Variants in PDE11A observed in about 807,000 individuals in gnomAD.
PDE11A encodes the protein phosphodiesterase 11A.
In PDE11A, 100 loss-of-function variants were observed where a neutral mutation model predicts 100.5. The observed-to-expected ratio is 1.00, with a 90% confidence interval of 0.85 to 1.18. The LOEUF (loss-of-function observed/expected upper bound fraction) is 1.18. Among genes scored for constraint, PDE11A ranks in the 50% most tolerant of loss-of-function variants. The pLI, the probability that PDE11A is intolerant of heterozygous loss-of-function variation, is 0.00. For missense variants in PDE11A, 1,141 were observed against 1,152.6 expected (o/e 0.99, Z 0.15); for synonymous variants, 381 against 420.8 (o/e 0.91, Z 1.16).
At chr2:177,907,162 A>T (rs977852896) in intron 2 of PDE11A, among the ~76,000 whole-genome samples, 2 of 151,860 alleles carry the variant, frequency 1.3e-5, no homozygotes, top group African/African-American at 4.8e-5. Context: ...AAGAATCTGA[A>T]TTTTAAATCA....
intron 12 of PDE11A, among the ~76,000 whole-genome samples, chr2:177,717,531 TA>T (rs1216848723): frequency 6.6e-6 from 1 of 152,240 alleles, no homozygotes; most frequent in Admixed American, 6.5e-5. Flanking sequence ...TTATGGGTTT[TA>T]TTGAGCTTTA....
chr2:178,094,617 T>C (rs1332337111), intron 2 of PDE11A, among the ~76,000 whole-genome samples: 1 of 152,196 alleles, frequency 6.6e-6, no homozygotes, highest in Non-Finnish European at 1.5e-5. Context: ...ATAGCCATAT[T>C]TCCATGGATT....
intron 15 of PDE11A, among the ~76,000 whole-genome samples, chr2:177,689,234 C>T (rs1390876405): frequency 6.6e-6 from 1 of 152,156 alleles, no homozygotes; most frequent in Non-Finnish European, 1.5e-5. Context: ...AGGCATGCAC[C>T]ACCACGCCCA....
intron 1 of PDE11A, among the ~76,000 whole-genome samples, chr2:178,026,870 C>T (rs979353596): frequency 6.6e-6 from 1 of 151,964 alleles, no homozygotes; most frequent in African/African-American, 2.4e-5. Flanking sequence ...AGTTAGACCC[C>T]TATCTCACAT....
chr2:177,708,562 AC>A (rs2081313970), intron 13 of PDE11A, among the ~76,000 whole-genome samples: 1 of 152,198 alleles, frequency 6.6e-6, no homozygotes, highest in Non-Finnish European at 1.5e-5. Flanking sequence ...TATATATTTA[AC>A]AAACCCCCGT....
chr2:177,826,379 A>C (rs1468828307), intron 6 of PDE11A, among the ~76,000 whole-genome samples: 1 of 152,230 alleles, frequency 6.6e-6, no homozygotes, highest in African/African-American at 2.4e-5. Context: ...TTTCTCTAGA[A>C]AGATACGTAC....
At chr2:177,950,771 C>T (rs755124204) in intron 2 of PDE11A, among the ~76,000 whole-genome samples, 12 of 152,142 alleles carry the variant, frequency 7.9e-5, no homozygotes, top group South Asian at 2.1e-4. Context: ...ATTAGCCGAG[C>T]GCCATGGCAG....
chr2:177,939,584 G>A (rs1574293679), intron 2 of PDE11A, among the ~76,000 whole-genome samples: 1 of 151,098 alleles, frequency 6.6e-6, no homozygotes, highest in South Asian at 2.1e-4. Context: ...AGGAAGGTAG[G>A]TTGACTCCGA....
chr2:177,889,297 T>C (rs544274552), intron 4 of PDE11A, among the ~76,000 whole-genome samples: 2 of 152,336 alleles, frequency 1.3e-5, no homozygotes, highest in East Asian at 3.9e-4. Context: ...CTGCAATAGA[T>C]GCTTTGATTT....
In PDE11A at chr2:177,849,012, C is replaced by G. The variant is rs16865839; in HGVS notation, c.1368-8629G>C. Among the ~76,000 whole-genome samples the G allele has an allele frequency of 7.2e-3, 1,098 of 152,312 alleles. 11 individuals are homozygous for G. Among genetic ancestry groups the G allele is most frequent in the African/African-American group, 0.025 (1,022 of 41,558 alleles). On this transcript the variant is annotated intron_variant, in intron 5 of 19. Transcript: ENST00000286063. Reference sequence around the variant, plus strand: ...GTTCATGTTTCTCTTCTCAACATAACAGTTTACTTAGATGTCTTCATTAGA... The same window carrying G: ...GTTCATGTTTCTCTTCTCAACATAAGAGTTTACTTAGATGTCTTCATTAGA...
chr2:177,775,117 C>A (rs1179782853), intron 9 of PDE11A, among the ~76,000 whole-genome samples: 1 of 152,080 alleles, frequency 6.6e-6, no homozygotes, highest in Admixed American at 6.6e-5. Flanking sequence ...AATGGATTGT[C>A]CCCTAGAGTC....
At chr2:177,650,696 A>G (rs1220540050) in intron 19 of PDE11A, among the ~76,000 whole-genome samples, 1 of 152,188 alleles carries the variant, frequency 6.6e-6, no homozygotes, top group Non-Finnish European at 1.5e-5. Context: ...TTATACATAG[A>G]TAGTAGGATA....
intron 2 of PDE11A, among the ~76,000 whole-genome samples, chr2:177,979,523 A>G (rs1432110869): frequency 6.7e-6 from 1 of 149,574 alleles, no homozygotes; most frequent in African/African-American, 2.4e-5. Flanking sequence ...TTTTCCTGGT[A>G]TGCAGCGTCT....
At chr2:177,683,829 C>A (rs1472652049) in intron 15 of PDE11A, among the ~76,000 whole-genome samples, 4 of 151,926 alleles carry the variant, frequency 2.6e-5, no homozygotes, top group Non-Finnish European at 5.9e-5. Flanking sequence ...CAGGTTTGGA[C>A]CCACACCGAC....
chr2:177,807,894 T>TA lies in PDE11A; in HGVS notation c.1737+8934dup, dbSNP rs1215871894. ...AAAATATTTATATATGAAGATTAACTAAAAAACAGTTTTTATGTGTCAATA... is the reference window on the plus strand; with the variant it reads ...AAAATATTTATATATGAAGATTAACTAAAAAAACAGTTTTTATGTGTCAATA... On this transcript the variant is annotated intron_variant, in intron 9 of 19. Coordinates refer to ENST00000286063, the MANE Select transcript of PDE11A (RefSeq NM_016953.4). 2.0e-5 allele frequency among the ~76,000 whole-genome samples: 3 copies of TA among 152,220 alleles called. No individual in the cohort carries two copies. In the East Asian group the frequency reaches 5.8e-4, roughly 29 times the overall value.
In PDE11A at chr2:177,911,593, T is replaced by C. The variant is rs144810163; in HGVS notation, c.1072-6406A>G. ...TAAATATAAAACATTGTTTTAAAAATTGTAATGGGGCCAGGCGCGGTGGCT... is the reference window on the plus strand; with the variant it reads ...TAAATATAAAACATTGTTTTAAAAACTGTAATGGGGCCAGGCGCGGTGGCT... On this transcript the variant is annotated intron_variant, in intron 2 of 19. Transcript: ENST00000286063. Among the ~76,000 whole-genome samples, 1,222 of 152,200 alleles carry C rather than the reference T, an allele frequency of 8.0e-3. 15 individuals are homozygous for C. The highest frequency in any genetic ancestry group is 0.02 in the Middle Eastern group (6 of 294).
At chr2:178,014,210 A>T in intron 2 of PDE11A, 92 bp downstream of exon 2, 1 of 981,578 alleles carries the variant, frequency 1.0e-6, no homozygotes, top group South Asian at 1.3e-5. Flanking sequence ...GGCTAATCCA[A>T]CAGCTATTCA....
chr2:177,674,450 C>T (rs192100675), intron 17 of PDE11A, among the ~76,000 whole-genome samples: 41 of 152,318 alleles, frequency 2.7e-4, no homozygotes, highest in Middle Eastern at 3.4e-3. Context: ...CCTTTGCTCA[C>T]GGCTGCATCA....
chr2:177,939,572 G>GA (rs1268417787), intron 2 of PDE11A, among the ~76,000 whole-genome samples: 1 of 150,228 alleles, frequency 6.7e-6, no homozygotes, highest in Non-Finnish European at 1.5e-5. Flanking sequence ...AGGAAGGAAG[G>GA]AAGGAAGGTA....
Sources: gnomAD v4.1 joint callset for allele counts (sites outside exome capture counted in the v4.1 genomes callset) on GRCh38, gnomAD v4.1.1 for gene constraint, MANE v1.5 for transcripts, NCBI Gene and HGNC (gene_info 2026-07-23, HGNC 2026-07-21) for gene names.